The following FNIP2 variants were observed in gnomAD, a reference collection of about 807,000 sequenced individuals.
FNIP2 encodes the protein folliculin-interacting protein 2.
Under a neutral mutation model 108.7 loss-of-function variants are expected in FNIP2, and 32 were observed. The observed-to-expected ratio is 0.29, with a 90% CI of 0.22 to 0.40. The LOEUF (loss-of-function observed/expected upper bound fraction) is 0.40, where lower values mean the gene tolerates loss of function less well. FNIP2 is among the 10% of genes least tolerant of loss of function. The pLI is 1.00. For missense variants in FNIP2, 1,202 were observed against 1,381.6 expected (o/e 0.87, Z 2.06); for synonymous variants, 480 against 496.7 (o/e 0.97, Z 0.45).
intron 12 of FNIP2, among the ~76,000 whole-genome samples, chr4:158,864,642 G>T (rs996388580): frequency 1.3e-5 from 2 of 151,888 alleles, no homozygotes; most frequent in Non-Finnish European, 2.9e-5. Flanking sequence ...CCTTTACAGG[G>T]CTTCTAAATT....
chr4:158,806,079 C>A, intron 1 of FNIP2: 6 of 990,672 alleles, frequency 6.1e-6, no homozygotes, highest in South Asian at 7.1e-5. Flanking sequence ...GAAATTAGTA[C>A]ACTGCTGTCA....
chr4:158,867,557 CT>C (rs1780652515), intron 12 of FNIP2, among the ~76,000 whole-genome samples: 1 of 152,196 alleles, frequency 6.6e-6, no homozygotes. Context: ...TGATTTTCTT[CT>C]TGTTAATCAA....
intron 7 of FNIP2, among the ~76,000 whole-genome samples, chr4:158,841,057 A>G (rs749191166): frequency 6.6e-6 from 1 of 152,216 alleles, no homozygotes; most frequent in Non-Finnish European, 1.5e-5. Context: ...ATGTATAACC[A>G]TCCAAAATTT....
chr4:158,874,484 ATCTCTAGC>A (rs1781139295), intron 14 of FNIP2, among the ~76,000 whole-genome samples: 1 of 138,946 alleles, frequency 7.2e-6, no homozygotes. Context: ...GCAAAATCCC[ATCTCTAGC>A]AAAAAAAAAA....
chr4:158,851,205 A>T lies in FNIP2; in HGVS notation c.728-116A>T. On this transcript the variant is annotated intron_variant, in intron 7 of 16. Transcript: ENST00000264433. ...GCGAAGTGTACAGTTTAGTGATATT[A>T]AATACATAATAAATGTAGAGTTCAG... 4.1e-6 allele frequency: 5 copies of T among 1,228,854 alleles called. No individual in the cohort carries two copies. In the East Asian group the frequency reaches 9.4e-5, roughly 23 times the overall value. 76.1% of individuals were successfully genotyped at this position (1,228,854 alleles called of 1,614,324 possible). A position where few individuals can be genotyped will look rare whatever the true frequency, so the allele number is the denominator to read the frequency against.
At chr4:158,826,125 TC>T in intron 2 of FNIP2, 83 bp downstream of exon 2, 1 of 1,501,330 alleles carries the variant, frequency 6.7e-7, no homozygotes, top group Non-Finnish European at 9.0e-7. Flanking sequence ...TCTATCATCT[TC>T]TCTTTGAGTT....
In FNIP2 at chr4:158,851,322, C is replaced by A; in HGVS notation, c.729C>A (p.Ala243=). The A allele has an allele frequency of 6.2e-7, 1 of 1,613,902 alleles. No homozygotes were observed. The highest frequency in any genetic ancestry group is 8.5e-7 in the Non-Finnish European group (1 of 1,179,824). ...EDRDSGIARS[A]SLSSLLITPF... ...TCAAATTCCAAATTCTTCCTACAGC[C>A]TCACTAAGCAGTCTTTTGATCACAC... The change falls in exon 8 of 17, where the codon GCC becomes GCA. Residue 243 remains alanine, a splice_region_variant and synonymous_variant. Coordinates refer to ENST00000264433, the MANE Select transcript of FNIP2 (RefSeq NM_020840.3).
intron 16 of FNIP2, among the ~76,000 whole-genome samples, chr4:158,903,265 C>G (rs1729515540): frequency 6.6e-6 from 1 of 152,126 alleles, no homozygotes; most frequent in Non-Finnish European, 1.5e-5. Context: ...CCGAGTAAGG[C>G]AACACCCCAC....
At chr4:158,806,076 G>A in intron 1 of FNIP2, 2 of 978,502 alleles carry the variant, frequency 2.0e-6, no homozygotes, top group Non-Finnish European at 1.2e-6. Flanking sequence ...GGGGAAATTA[G>A]TACACTGCTG....
intron 1 of FNIP2, among the ~76,000 whole-genome samples, chr4:158,796,260 T>C (rs1307330267): frequency 6.6e-6 from 1 of 152,160 alleles, no homozygotes; most frequent in African/African-American, 2.4e-5. Context: ...TGAGCGGTAC[T>C]TTAGAAGGGG....
chr4:158,871,914 T>C (rs559470486), intron 14 of FNIP2: 1 of 985,444 alleles, frequency 1.0e-6, no homozygotes, highest in African/African-American at 1.7e-5. Flanking sequence ...ACAGGCTGTA[T>C]TTATGTGTGT....
intron 2 of FNIP2, among the ~76,000 whole-genome samples, chr4:158,828,027 T>C (rs886267502): frequency 1.3e-5 from 2 of 152,076 alleles, no homozygotes; most frequent in African/African-American, 2.4e-5. Context: ...AAATAACTTA[T>C]CATAGAGGGT....
chr4:158,852,249 A>G (rs1440997000), intron 8 of FNIP2, among the ~76,000 whole-genome samples: 2 of 152,162 alleles, frequency 1.3e-5, no homozygotes, highest in East Asian at 3.9e-4. Flanking sequence ...CATGGGGGGA[A>G]TTAGGGAGCC....
chr4:158,883,366 C>T (rs1011635145), intron 14 of FNIP2, among the ~76,000 whole-genome samples: 3 of 151,986 alleles, frequency 2.0e-5, no homozygotes, highest in Non-Finnish European at 2.9e-5. Context: ...CTCAGCCTCC[C>T]GAGTAGCTGG....
At chr4:158,842,505 C>T (rs1391312831) in intron 7 of FNIP2, among the ~76,000 whole-genome samples, 1 of 152,018 alleles carries the variant, frequency 6.6e-6, no homozygotes, top group African/African-American at 2.4e-5. Context: ...TTGTAGACAC[C>T]TCTTTCTTAG....
intron 1 of FNIP2, among the ~76,000 whole-genome samples, chr4:158,823,797 A>T (rs1422307592): frequency 6.6e-6 from 1 of 152,150 alleles, no homozygotes; most frequent in Non-Finnish European, 1.5e-5. Flanking sequence ...TGAACAACTG[A>T]GTTTTGGGGC....
intron 7 of FNIP2, among the ~76,000 whole-genome samples, chr4:158,846,372 TAGC>T (rs1779405943): frequency 6.6e-6 from 1 of 152,210 alleles, no homozygotes; most frequent in African/African-American, 2.4e-5. Context: ...CGCTAGCAGA[TAGC>T]AGCTTTCATG....
intron 11 of FNIP2, 38 bp downstream of exon 11, chr4:158,861,526 C>T: frequency 6.2e-7 from 1 of 1,613,692 alleles, no homozygotes; most frequent in Non-Finnish European, 8.5e-7. Flanking sequence ...ATGCAAATCT[C>T]ATGGCCAATG....
At chr4:158,839,348 T>C (rs1484310419) in intron 7 of FNIP2, among the ~76,000 whole-genome samples, 1 of 149,132 alleles carries the variant, frequency 6.7e-6, no homozygotes, top group Non-Finnish European at 1.5e-5. Context: ...CCAATACTAC[T>C]TCATTTCTAT....
Sources: gnomAD v4.1 joint callset for allele counts (sites outside exome capture counted in the v4.1 genomes callset) on GRCh38, gnomAD v4.1.1 for gene constraint, MANE v1.5 for transcripts, NCBI Gene and HGNC (gene_info 2026-07-23, HGNC 2026-07-21) for gene names.